GK5: variants seen among roughly 807,000 people sequenced by gnomAD.
GK5 encodes ATP:glycerol 3-phosphotransferase 5.
Under a neutral mutation model 77.3 loss-of-function variants are expected in GK5, and 39 were observed. That is an observed-to-expected ratio of 0.50 (90% CI 0.39 to 0.66). GK5 has a LOEUF of 0.66. Among genes scored for constraint, GK5 ranks in the 30% least tolerant of loss-of-function variants. The probability of loss-of-function intolerance (pLI) is 0.00; values close to 1 mark genes in which losing one functional copy is unlikely to be tolerated. For missense variants in GK5, 487 were observed against 633.8 expected (o/e 0.77, Z 2.49); for synonymous variants, 211 against 208.0 (o/e 1.01, Z -0.13).
intron 1 of GK5, among the ~76,000 whole-genome samples, chr3:142,223,868 G>A (rs1275300662): frequency 6.6e-6 from 1 of 152,044 alleles, no homozygotes; most frequent in Non-Finnish European, 1.5e-5. Context: ...TTAATGGAAG[G>A]AAGTCTGATG....
intron 1 of GK5, among the ~76,000 whole-genome samples, chr3:142,218,466 C>A (rs1478062487): frequency 6.7e-6 from 1 of 148,514 alleles, no homozygotes; most frequent in Admixed American, 6.8e-5. Context: ...TGCTTGAACC[C>A]GGAAGGCAGA....
rs756823893 is a variant in GK5, at chr3:142,186,217, G to A, written c.732C>T (p.Leu244=). Residue 244 remains leucine (L), a synonymous_variant, in exon 8 of 16, where the codon CTC becomes CTT. Transcript: ENST00000392993. ...ITSLISIPLS[L]LPPVRDTSHN... is the part of the protein sequence containing the mutation. ...ACCTTGTGTCCCTCACAGGAGGTAG[G>A]AGAGAAAGTGGTATCGAAATTAGAG... is the stretch of plus-strand genomic sequence containing the variant. 14 of 1,600,472 alleles carry A rather than the reference G, an allele frequency of 8.7e-6. 1 individual carries two copies. The South Asian group carries it at 1.3e-4, about 15-fold the overall frequency.
intron 3 of GK5, among the ~76,000 whole-genome samples, chr3:142,212,603 C>A (rs1016534305): frequency 1.3e-5 from 2 of 152,038 alleles, no homozygotes; most frequent in African/African-American, 4.8e-5. Context: ...AAAGAACATA[C>A]GCTTCTGAGT....
chr3:142,187,596 C>A (rs2063789502), intron 6 of GK5, 108 bp downstream of exon 6: 3 of 748,484 alleles, frequency 4.0e-6, no homozygotes, highest in South Asian at 1.6e-5. Context: ...CAGAGCGAGA[C>A]CCTAGCTCAA....
At position 142,213,535 on chromosome 3, in the gene GK5, G is replaced by A. The variant is rs769529396; in HGVS notation, c.308C>T (p.Thr103Met). ...GISTQRATFI[T>M]WNKKTGNHFH... Reference sequence around the variant, plus strand: ...CACAGAATGTACTTACTTGTTCCACGTAATAAAAGTTGCTCTCTGTGTTGA... The same window carrying A: ...CACAGAATGTACTTACTTGTTCCACATAATAAAAGTTGCTCTCTGTGTTGA... Residue 103 changes from threonine (T) to methionine (M), a missense_variant, in exon 3 of 16, where the codon ACG becomes ATG. Thr to Met is a moderately conservative substitution (Grantham distance 81, BLOSUM62 -1). Around this residue, in one of 4 missense-constraint regions of GK5, gnomAD observed 323 missense variants for 437.4 expected, o/e 0.74. Coordinates refer to ENST00000392993, the MANE Select transcript of GK5 (RefSeq NM_001039547.3). 5.0e-6 allele frequency: 8 copies of A among 1,598,410 alleles called. No homozygotes were observed. The highest frequency in any genetic ancestry group is 5.0e-5 in the Admixed American group (3 of 59,994).
Position 142,225,379 on chromosome 3 carries a change from A to T in GK5, c.77T>A (p.Val26Glu). The T allele has an allele frequency of 6.3e-7, 1 of 1,593,064 alleles. No homozygotes were observed. The highest frequency in any genetic ancestry group is 8.5e-7 in the Non-Finnish European group (1 of 1,171,390). Residue 26 changes from valine (V) to glutamate (E), a missense_variant, in exon 1 of 16, where the codon GTG becomes GAG. This residue lies in a region of GK5 where 97 missense variants were observed against 86.9 expected (regional missense o/e 1.12). Coordinates refer to ENST00000392993, the MANE Select transcript of GK5 (RefSeq NM_001039547.3). Reference protein sequence around the residue: ...RYPGFVLGLDVGSSVIRCHVY... With the variant: ...RYPGFVLGLDEGSSVIRCHVY... ...GTGGCAGCGGATCACAGAACTGCCC[A>T]CATCCAGCCCCAGCACGAAGCCGGG...
At chr3:142,168,903 A>G (rs1052738374) in intron 15 of GK5, among the ~76,000 whole-genome samples, 2 of 152,170 alleles carry the variant, frequency 1.3e-5, no homozygotes, top group East Asian at 1.9e-4. Flanking sequence ...CACAAGTTGC[A>G]ATAGGGATAT....
chr3:142,169,586 C>A (rs1477092574), intron 15 of GK5, among the ~76,000 whole-genome samples: 1 of 151,430 alleles, frequency 6.6e-6, no homozygotes, highest in African/African-American at 2.4e-5. Context: ...AGCCTAAATT[C>A]TCTCTCCCAC....
rs1301450246 is a variant in GK5, at chr3:142,170,386, G to A, written c.1380C>T (p.Asp460=). The change falls in exon 15 of 16, where the codon GAC becomes GAT. Residue 460 remains aspartate (D), a synonymous_variant. Coordinates refer to ENST00000392993, the MANE Select transcript of GK5 (RefSeq NM_001039547.3). ...ATGACATGTCAATGTCGGCAGGTCT[G>A]TCTATATTCTCATTAATCAGGTCTG... The part of the protein sequence containing the change: ...MTSDLINENI[D]RPADIDMSCL... The A allele has an allele frequency of 6.2e-7, 1 of 1,613,912 alleles. No homozygotes were observed. The highest frequency in any genetic ancestry group is 1.7e-5 in the Admixed American group (1 of 60,020).
intron 3 of GK5, among the ~76,000 whole-genome samples, chr3:142,209,428 C>T (rs532392993): frequency 1.3e-5 from 2 of 152,244 alleles, no homozygotes; most frequent in East Asian, 3.9e-4. Context: ...TAATTTATAA[C>T]ATAGAACAAG....
intron 15 of GK5, among the ~76,000 whole-genome samples, chr3:142,166,106 A>T (rs1181452277): frequency 2.6e-5 from 4 of 152,192 alleles, no homozygotes; most frequent in African/African-American, 9.6e-5. Context: ...TTTTCTGGCC[A>T]GGCACAGTGG....
At position 142,165,583 on chromosome 3, in the gene GK5, T is replaced by C. The variant is rs369313795; in HGVS notation, c.*39A>G. 5 of 1,529,990 alleles carry C rather than the reference T, an allele frequency of 3.3e-6. No homozygotes were observed. The highest frequency in any genetic ancestry group is 1.3e-5 in the South Asian group (1 of 79,498). 94.8% of individuals were successfully genotyped at this position (1,529,990 alleles called of 1,614,324 possible). On this transcript the variant is annotated 3_prime_UTR_variant, in exon 16 of 16. Transcript: ENST00000392993. ...AGCTTCATCTCATCTGCACGTCACA[T>C]AAACCAGCTACCTATGGTTTTGATC...
rs759999309 is a variant in GK5, at chr3:142,172,468, G to A, written c.1144-12C>T. The A allele has an allele frequency of 3.6e-6, 5 of 1,406,252 alleles. No homozygotes were observed. In the South Asian group the frequency reaches 3.7e-5, roughly 10 times the overall value. The allele number at this position is 1,406,252 out of a possible 1,614,324, so 87.1% of individuals were successfully genotyped here. On this transcript the variant is annotated splice_polypyrimidine_tract_variant and intron_variant, in intron 12 of 15. Transcript: ENST00000392993. ...TCATTTAATGGAGCCTACAGTAAGA[G>A]ATAACAAGAATATATTATTATTATT...
intron 5 of GK5, among the ~76,000 whole-genome samples, chr3:142,195,416 T>C (rs1304622022): frequency 1.3e-5 from 2 of 152,130 alleles, no homozygotes; most frequent in Non-Finnish European, 2.9e-5. Context: ...TGATCCTGGA[T>C]CATTGCTGTC....
intron 1 of GK5, among the ~76,000 whole-genome samples, chr3:142,217,512 A>T (rs2064289422): frequency 6.6e-6 from 1 of 152,146 alleles, no homozygotes. Context: ...AGAAGAACAA[A>T]GCCCCAGGAC....
chr3:142,212,926 T>TG (rs1491305950), intron 3 of GK5, among the ~76,000 whole-genome samples: 3 of 145,474 alleles, frequency 2.1e-5, no homozygotes, highest in Admixed American at 7.2e-5. Context: ...CTCCGCCCCC[T>TG]GGGGTTCACG....
chr3:142,213,978 C>T (rs1267844883), intron 2 of GK5, among the ~76,000 whole-genome samples: 2 of 152,040 alleles, frequency 1.3e-5, no homozygotes, highest in Admixed American at 6.5e-5. Context: ...GTGCACCACC[C>T]TGCCTGGCTA....
intron 5 of GK5, among the ~76,000 whole-genome samples, chr3:142,193,830 TC>T (rs1470698577): frequency 6.6e-6 from 1 of 152,148 alleles, no homozygotes; most frequent in East Asian, 1.9e-4. Context: ...AACCTCTGCC[TC>T]CCCAGTTCAA....
At chr3:142,209,042 G>A (rs1032884238) in intron 3 of GK5, among the ~76,000 whole-genome samples, 7 of 152,008 alleles carry the variant, frequency 4.6e-5, no homozygotes, top group Non-Finnish European at 7.4e-5. Context: ...CCAGCTCCTC[G>A]GGAGGCTGAG....
Sources: allele counts gnomAD v4.1 joint callset (sites outside exome capture counted in the v4.1 genomes callset), GRCh38; gene constraint gnomAD v4.1.1; regional missense constraint gnomAD v4.1.1; transcripts MANE v1.5; gene names NCBI Gene and HGNC (gene_info 2026-07-23, HGNC 2026-07-21).